Variants in PDLIM2 observed in about 807,000 individuals in gnomAD.
PDLIM2 encodes PDZ and LIM domain 2.
A neutral mutation model predicts 54.1 loss-of-function variants in PDLIM2; 51 were observed. That is an observed-to-expected ratio of 0.94 (90% CI 0.75 to 1.19). The LOEUF is 1.19. PDLIM2 is among the 50% of genes most tolerant of loss of function. The pLI, the probability that PDLIM2 is intolerant of heterozygous loss-of-function variation, is 0.00. For missense variants in PDLIM2, 912 were observed against 874.0 expected, an observed-to-expected ratio of 1.04 and a Z score of -0.55; for synonymous variants, 398 against 385.6, an observed-to-expected ratio of 1.03 and a Z score of -0.38.
At chr8:22,593,851 T>C in exon 10 of PDLIM2, 1 of 1,574,678 alleles carries the variant, frequency 6.4e-7, no homozygotes, top group South Asian at 1.2e-5. Context: ...CGAGCTGTAC[T>C]GTGAGAAGCA....
chr8:22,578,806 G>A lies in PDLIM2; in HGVS notation c.27G>A (p.Ala9=), dbSNP rs537284787. Reference sequence around the variant, plus strand: ...TGCGGGGCGGGAGAGCGCGGCCGGCGTGGGAGAGCTTTATGGGGCTGCCCC... The same window carrying A: ...TGCGGGGCGGGAGAGCGCGGCCGGCATGGGAGAGCTTTATGGGGCTGCCCC... The change falls in exon 1 of 10, where the codon GCG becomes GCA. Residue 9 remains alanine, a synonymous_variant. Coordinates refer to ENST00000308354, the Ensembl canonical transcript of PDLIM2. 2.4e-4 allele frequency: 302 copies of A among 1,234,400 alleles called. 2 individuals are homozygous for A. The East Asian group carries it at 8.5e-3, about 35-fold the overall frequency. 76.5% of individuals were successfully genotyped at this position (1,234,400 alleles called of 1,614,324 possible).
chr8:22,591,304 G>C, intron 8 of PDLIM2: 1 of 567,380 alleles, frequency 1.8e-6, no homozygotes. Flanking sequence ...ACCTGACACT[G>C]AGCACAGATG....
intron 6 of PDLIM2, among the ~76,000 whole-genome samples, chr8:22,586,543 A>G (rs1261231826): frequency 6.6e-6 from 1 of 152,012 alleles, no homozygotes; most frequent in South Asian, 2.1e-4. Flanking sequence ...GAGGCCCGAC[A>G]TGCTGGGAGA....
At chr8:22,581,347 G>T in intron 2 of PDLIM2, 32 bp from the exon 2 acceptor site, 1 of 1,570,428 alleles carries the variant, frequency 6.4e-7, no homozygotes, top group Non-Finnish European at 8.6e-7. Flanking sequence ...GCTGGGCCAC[G>T]GTCTGAGCAT....
At chr8:22,596,414 A>G (rs118165391), downstream of PDLIM2, 3,871 of 152,332 alleles carry the variant, frequency 0.025, 64 homozygotes, top group South Asian at 0.055. Context: ...CCACACAATC[A>G]GCCCGGCTCG....
At position 22,594,097 on chromosome 8, in the gene PDLIM2, C is replaced by G. The variant is rs1321548110; in HGVS notation, c.*187C>G. On this transcript the variant is annotated 3_prime_UTR_variant, in exon 10 of 10. Coordinates refer to ENST00000308354, the Ensembl canonical transcript of PDLIM2. ...TGGACTGTGGGAGACTCACCCTCAC[C>G]TTGCCAGGCCTCTCCCCTGCAGGAC... 8.4e-6 allele frequency: 12 copies of G among 1,428,748 alleles called. No homozygotes were observed. In the East Asian group the frequency reaches 3.0e-4, roughly 36 times the overall value. 88.5% of individuals were successfully genotyped at this position (1,428,748 alleles called of 1,614,324 possible).
At chr8:22,591,772 C>T in intron 9 of PDLIM2, 104 bp downstream of exon 8, 1 of 1,060,108 alleles carries the variant, frequency 9.4e-7, no homozygotes, top group South Asian at 1.6e-5. Context: ...CAGGGGCTAG[C>T]ACTGGGTACC....
At chr8:22,592,225 G>C (rs1586930074) in intron 9 of PDLIM2, 1 of 151,758 alleles carries the variant, frequency 6.6e-6, no homozygotes, top group African/African-American at 2.4e-5. Flanking sequence ...GGGGCTACAG[G>C]CTCCCGCCAC....
At chr8:22,582,740 C>T (rs955371099) in intron 3 of PDLIM2, among the ~76,000 whole-genome samples, 1 of 151,882 alleles carries the variant, frequency 6.6e-6, no homozygotes, top group African/African-American at 2.4e-5. Flanking sequence ...TGCCACCACG[C>T]CCAGCTAATT....
chr8:22,589,303 C>A, exon 7 of PDLIM2: 2 of 1,533,988 alleles, frequency 1.3e-6, no homozygotes, highest in South Asian at 1.2e-5. Context: ...AACAGGCCGG[C>A]CTCGGCCGCG....
intron 3 of PDLIM2, among the ~76,000 whole-genome samples, chr8:22,583,858 A>G (rs1800286468): frequency 2.6e-5 from 1 of 38,916 alleles, no homozygotes; most frequent in African/African-American, 7.0e-5. Context: ...AAAATAGAAA[A>G]AAAAAAAAAA....
intron 1 of PDLIM2, chr8:22,579,543 G>C (rs775457295): frequency 1.4e-6 from 2 of 1,452,316 alleles, no homozygotes; most frequent in East Asian, 2.9e-5. Flanking sequence ...GGAATCTCGG[G>C]GCGGCCGCGA....
At chr8:22,581,027 G>T in intron 2 of PDLIM2, 1 of 657,936 alleles carries the variant, frequency 1.5e-6, no homozygotes, top group Non-Finnish European at 2.9e-6. Context: ...TCTTGACCTG[G>T]GCCCAGGCTG....
At chr8:22,585,259 A>G (rs1196458853) in intron 5 of PDLIM2, 62 bp from the exon 5 acceptor site, 2 of 1,601,462 alleles carry the variant, frequency 1.2e-6, no homozygotes, top group Non-Finnish European at 1.7e-6. Flanking sequence ...AGCCCGGGGC[A>G]GCATCCTCCC....
intron 1 of PDLIM2, 37 bp from the exon 1 acceptor site, chr8:22,580,434 TGAGG>T (rs984081072): frequency 4.1e-5 from 59 of 1,438,072 alleles, no homozygotes; most frequent in Non-Finnish European, 5.2e-5. Flanking sequence ...GAAACCGGGC[TGAGG>T]GAGGGAGTTA....
intron 6 of PDLIM2, 55 bp downstream of exon 5, chr8:22,585,454 G>A: frequency 1.3e-6 from 2 of 1,527,156 alleles, no homozygotes; most frequent in South Asian, 1.2e-5. Context: ...TCCCGTTCCT[G>A]TGGGTTGCCA....
intron 6 of PDLIM2, among the ~76,000 whole-genome samples, chr8:22,587,121 T>A (rs1053450850): frequency 9.9e-5 from 15 of 152,210 alleles, no homozygotes; most frequent in Admixed American, 2.0e-4. Context: ...GCTCTGGGGA[T>A]GCAATCGTGG....
At chr8:22,585,207 G>A (rs1170771520) in intron 5 of PDLIM2, 45 bp downstream of exon 4, 2 of 1,607,152 alleles carry the variant, frequency 1.2e-6, no homozygotes, top group South Asian at 1.1e-5. Context: ...TGCGCTGCCA[G>A]CTCCAGGCTG....
chr8:22,581,543 G>A lies in PDLIM2; in HGVS notation c.995+13G>A, dbSNP rs761794816. On this transcript the variant is annotated intron_variant, in intron 3 of 9. Coordinates refer to ENST00000308354, the Ensembl canonical transcript of PDLIM2. ...TGCAGCTGGACCGGTAGGGCCTCCCGCTCTGCAGAGCCTGTGGCATTCCCC... is the reference window on the plus strand; with the variant it reads ...TGCAGCTGGACCGGTAGGGCCTCCCACTCTGCAGAGCCTGTGGCATTCCCC... 52 of 1,557,244 alleles carry A rather than the reference G, an allele frequency of 3.3e-5. No homozygotes were observed. The South Asian group carries it at 3.9e-4, about 12-fold the overall frequency.
Sources: allele counts gnomAD v4.1 joint callset (sites outside exome capture counted in the v4.1 genomes callset), GRCh38; gene constraint gnomAD v4.1.1; transcripts MANE v1.5; gene names NCBI Gene and HGNC (gene_info 2026-07-23, HGNC 2026-07-21).